BRI3BP: variants seen among roughly 807,000 people sequenced by gnomAD.
The protein encoded by BRI3BP is BRI3 binding protein, also known as BRI3-binding protein.
BRI3BP carries 7 observed loss-of-function variants against 15.8 expected under a neutral mutation model. The observed-to-expected ratio is 0.44, with a 90% confidence interval of 0.25 to 0.83. The LOEUF (loss-of-function observed/expected upper bound fraction) is 0.83, where lower values mean the gene tolerates loss of function less well. Ranked by LOEUF, BRI3BP falls within the 40% of genes least tolerant of loss-of-function variation. The pLI is 0.20. For missense variants in BRI3BP, 320 were observed against 339.3 expected (o/e 0.94, Z 0.45); for synonymous variants, 192 against 163.5 (o/e 1.17, Z -1.33).
At chr12:125,008,322 G>A (rs201904537) in intron 1 of BRI3BP, among the ~76,000 whole-genome samples, 14,790 of 70,044 alleles carry the variant, frequency 0.21, 511 homozygotes, top group Non-Finnish European at 0.24. Flanking sequence ...TTTTTTTTTT[G>A]ATTTTTTTGA....
downstream of BRI3BP, among the ~76,000 whole-genome samples, chr12:125,034,868 G>A (rs1594543829): frequency 2.0e-5 from 3 of 152,164 alleles, no homozygotes; most frequent in South Asian, 2.1e-4. Context: ...GATTACAGGC[G>A]TGAACCACCG....
At chr12:125,038,862 G>C in the BRI3BP span, among the ~76,000 whole-genome samples, 1 of 152,142 alleles carries the variant, frequency 6.6e-6, no homozygotes, top group African/African-American at 2.4e-5. Context: ...GGCCAAGCCA[G>C]GCAAATCACC....
At chr12:125,048,300 T>A in the BRI3BP span, among the ~76,000 whole-genome samples, 1 of 152,120 alleles carries the variant, frequency 6.6e-6, no homozygotes, top group African/African-American at 2.4e-5. Context: ...ACCATGTGTG[T>A]TCCTAAGGTT....
chr12:125,034,880 G>T (rs574190752), downstream of BRI3BP, among the ~76,000 whole-genome samples: 1 of 152,074 alleles, frequency 6.6e-6, no homozygotes, highest in Non-Finnish European at 1.5e-5. Context: ...GAACCACCGC[G>T]CCCGGCCCTA....
the BRI3BP span, among the ~76,000 whole-genome samples, chr12:125,040,275 G>T: frequency 2.7e-5 from 4 of 150,674 alleles, no homozygotes; most frequent in African/African-American, 7.3e-5. Flanking sequence ...AAAAAAAAAA[G>T]TAGGACCATG....
chr12:125,025,283 C>A lies in BRI3BP; in HGVS notation c.609C>A (p.Phe203Leu). 6.2e-7 allele frequency: 1 copy of A among 1,614,128 alleles called. No homozygotes were observed. The highest frequency in any genetic ancestry group is 8.5e-7 in the Non-Finnish European group (1 of 1,180,040). ...AVYFMTGPMGFYWRSSPSGPS... is the reference protein window; with the variant it reads ...AVYFMTGPMGLYWRSSPSGPS... ...ACTTCATGACCGGGCCCATGGGCTT[C>A]TACTGGCGAAGCAGTCCCAGCGGCC... is the stretch of plus-strand genomic sequence containing the variant. The change falls in exon 3 of 3, where the codon TTC (phenylalanine) becomes TTA (leucine). Residue 203 changes from phenylalanine (F) to leucine (L), a missense_variant. Physicochemically the swap from Phe to Leu is conservative, Grantham distance 22. Transcript: ENST00000341446.
chr12:125,014,670 A>T (rs1053879716), intron 2 of BRI3BP, among the ~76,000 whole-genome samples: 1 of 152,212 alleles, frequency 6.6e-6, no homozygotes, highest in Non-Finnish European at 1.5e-5. Context: ...CCCAGAGGGA[A>T]CGCAGGTGTT....
At chr12:125,024,576 G>T (rs1348097829) in intron 2 of BRI3BP, among the ~76,000 whole-genome samples, 1 of 152,128 alleles carries the variant, frequency 6.6e-6, no homozygotes, top group Non-Finnish European at 1.5e-5. Flanking sequence ...GAGGCAGGTG[G>T]ATCACCTGAG....
chr12:125,038,290 A>G, the BRI3BP span, among the ~76,000 whole-genome samples: 6 of 151,346 alleles, frequency 4.0e-5, no homozygotes, highest in African/African-American at 1.5e-4. Flanking sequence ...GTTCTGTTCC[A>G]TCAAAAAACA....
intron 1 of BRI3BP, among the ~76,000 whole-genome samples, chr12:124,997,053 C>G (rs1403075512): frequency 6.6e-6 from 1 of 151,494 alleles, no homozygotes; most frequent in Non-Finnish European, 1.5e-5. Flanking sequence ...GCCACCGTGC[C>G]CGGCCTCCCA....
intron 1 of BRI3BP, among the ~76,000 whole-genome samples, chr12:125,000,369 A>C (rs1236140142): frequency 7.3e-6 from 1 of 137,432 alleles, no homozygotes; most frequent in African/African-American, 2.8e-5. Context: ...GCTGGAGTGC[A>C]GTGGCGCAAT....
intron 1 of BRI3BP, among the ~76,000 whole-genome samples, chr12:125,006,687 C>A (rs1447097304): frequency 6.6e-6 from 1 of 152,216 alleles, no homozygotes; most frequent in Non-Finnish European, 1.5e-5. Context: ...GAGGTCTTTA[C>A]AGGTTCTGCT....
At chr12:125,051,063 T>C in the BRI3BP span, among the ~76,000 whole-genome samples, 2 of 152,206 alleles carry the variant, frequency 1.3e-5, no homozygotes, top group Admixed American at 6.6e-5. Context: ...CTGGTCATCT[T>C]TTCTTGCCCT....
intron 2 of BRI3BP, among the ~76,000 whole-genome samples, chr12:125,016,915 A>T (rs1336053303): frequency 7.3e-6 from 1 of 136,992 alleles, no homozygotes; most frequent in Non-Finnish European, 1.5e-5. Flanking sequence ...GCTCACTGCA[A>T]CCTCCACCAA....
At chr12:124,998,539 T>C (rs2135986145) in intron 1 of BRI3BP, among the ~76,000 whole-genome samples, 1 of 152,236 alleles carries the variant, frequency 6.6e-6, no homozygotes, top group Non-Finnish European at 1.5e-5. Flanking sequence ...ATTTACAGCA[T>C]ATGAAATATC....
intron 2 of BRI3BP, among the ~76,000 whole-genome samples, chr12:125,018,820 C>T (rs891041016): frequency 2.0e-5 from 3 of 152,036 alleles, no homozygotes; most frequent in Non-Finnish European, 4.4e-5. Context: ...GCTGAGATTA[C>T]AGGCACATGC....
At chr12:125,047,976 C>T in the BRI3BP span, among the ~76,000 whole-genome samples, 3 of 145,048 alleles carry the variant, frequency 2.1e-5, no homozygotes, top group Admixed American at 2.1e-4. Context: ...GGATTACAAG[C>T]GTGAGCTACT....
chr12:125,008,299 C>CTTTTTTTTTTTTT (rs55697100), intron 1 of BRI3BP, among the ~76,000 whole-genome samples: 13 of 99,928 alleles, frequency 1.3e-4, no homozygotes, highest in African/African-American at 2.4e-4. Flanking sequence ...CCTCTTCTTT[C>CTTTTTTTTTTTTT]TTTTTTTTTT....
intron 2 of BRI3BP, among the ~76,000 whole-genome samples, chr12:125,022,541 A>ATTTATTTATTTATTTATTTTTTTTTTTTT: frequency 3.6e-5 from 5 of 139,434 alleles, no homozygotes; most frequent in African/African-American, 1.4e-4. Flanking sequence ...TTATTTATTT[A>ATTTATTTATTTATTTATTTTTTTTTTTTT]TTTTTTGAGA....
Sources: gnomAD v4.1 joint callset for allele counts (sites outside exome capture counted in the v4.1 genomes callset) on GRCh38, gnomAD v4.1.1 for gene constraint, MANE v1.5 for transcripts, NCBI Gene and HGNC (gene_info 2026-07-23, HGNC 2026-07-21) for gene names.